Variants in ETNK1 observed in about 807,000 individuals in gnomAD.
ETNK1 encodes putative protein product of Nbla10396.
ETNK1 carries 8 observed loss-of-function variants against 45.1 expected under a neutral mutation model. The observed-to-expected ratio is 0.18, with a 90% CI of 0.10 to 0.32. The LOEUF (loss-of-function observed/expected upper bound fraction) is 0.32, where lower values mean the gene tolerates loss of function less well. Ranked by LOEUF, ETNK1 falls within the 10% of genes least tolerant of loss-of-function variation. The probability of loss-of-function intolerance (pLI) is 1.00; values close to 1 mark genes in which losing one functional copy is unlikely to be tolerated. For synonymous variants in ETNK1, 152 were observed against 151.9 expected (o/e 1.00, Z -0.01); for missense variants, 302 against 430.6 (o/e 0.70, Z 2.64).
At chr12:22,669,916 CA>C (rs1171259220) in intron 4 of ETNK1, among the ~76,000 whole-genome samples, 2 of 152,024 alleles carry the variant, frequency 1.3e-5, no homozygotes, top group Non-Finnish European at 2.9e-5. Flanking sequence ...ATACACATTA[CA>C]TTTTTATAAC....
Position 22,686,644 on chromosome 12 carries a change from C to G in ETNK1, c.*1690C>G, listed in dbSNP as rs754014240. On this transcript the variant is annotated 3_prime_UTR_variant, in exon 8 of 8. Transcript: ENST00000266517. ...TAGACCAGATTTGGTTTCTACCTCC[C>G]CAATGTTATAAATGTTCACTTTTGT... 1 of 152,008 alleles carries G rather than the reference C, an allele frequency of 6.6e-6. No individual in the cohort carries two copies. Among genetic ancestry groups the G allele is most frequent in the Non-Finnish European group, 1.5e-5 (1 of 67,716 alleles). The allele number at this position is 152,008 out of a possible 1,614,324, so 9.4% of individuals were successfully genotyped here.
chr12:22,684,782 A>G, intron 7 of ETNK1, 100 bp from the exon 8 acceptor site: 2 of 975,868 alleles, frequency 2.0e-6, no homozygotes, highest in East Asian at 2.5e-5. Flanking sequence ...TGAAAATCTT[A>G]AACTTTAAGA....
intron 6 of ETNK1, 61 bp from the exon 7 acceptor site, chr12:22,684,422 A>G (rs927857741): frequency 2.6e-6 from 3 of 1,137,320 alleles, no homozygotes; most frequent in Middle Eastern, 2.4e-4. Context: ...TTAGCAATTC[A>G]TATGTGTTTT....
At chr12:22,631,285 C>T (rs573827474) in intron 1 of ETNK1, among the ~76,000 whole-genome samples, 1 of 152,030 alleles carries the variant, frequency 6.6e-6, no homozygotes, top group African/African-American at 2.4e-5. Flanking sequence ...AGCGATTCTC[C>T]TGCCTCAGCC....
Position 22,671,078 on chromosome 12 carries a change from A to G in ETNK1, c.701-194A>G. 5.8e-6 allele frequency: 3 copies of G among 515,250 alleles called. No individual in the cohort carries two copies. The East Asian group carries it at 1.1e-4, about 19-fold the overall frequency. 31.9% of individuals were successfully genotyped at this position (515,250 alleles called of 1,614,324 possible). On this transcript the variant is annotated intron_variant, in intron 4 of 7. Coordinates refer to ENST00000266517, the MANE Select transcript of ETNK1 (RefSeq NM_018638.5). ...GTTTATAAAGAAGCTGTTGACCAAG[A>G]GACATAATTTGAATTTTGTAAAGCT...
In ETNK1 at chr12:22,666,820, A is replaced by G. The variant is rs182092318; in HGVS notation, c.701-4452A>G. 2.6e-5 allele frequency among the ~76,000 whole-genome samples: 4 copies of G among 152,308 alleles called. No homozygotes were observed. In the East Asian group the frequency reaches 5.8e-4, roughly 22 times the overall value. ...GTTTTAAGAGTTCTATACAATATAA[A>G]TAGAAAATGGGTGAGTCCCCATAGT... On this transcript the variant is annotated intron_variant, in intron 4 of 7. Coordinates refer to ENST00000266517, the MANE Select transcript of ETNK1 (RefSeq NM_018638.5).
At chr12:22,627,751 T>G (rs1044794918) in intron 1 of ETNK1, among the ~76,000 whole-genome samples, 2 of 152,130 alleles carry the variant, frequency 1.3e-5, no homozygotes, top group Non-Finnish European at 2.9e-5. Flanking sequence ...TGTAGCCTGT[T>G]TTTTTCTCAG....
intron 2 of ETNK1, among the ~76,000 whole-genome samples, chr12:22,655,535 C>T (rs1245316279): frequency 1.3e-5 from 2 of 151,940 alleles, no homozygotes; most frequent in Admixed American, 1.3e-4. Context: ...CAGGGTTTTG[C>T]CATGTTGGCC....
At chr12:22,676,006 TA>T (rs1269422859) in intron 6 of ETNK1, among the ~76,000 whole-genome samples, 5 of 152,256 alleles carry the variant, frequency 3.3e-5, no homozygotes, top group Admixed American at 1.3e-4. Flanking sequence ...TTATTTCAAT[TA>T]AAAAAATTTT....
At chr12:22,675,635 GGCATAA>G (rs1954152945) in intron 6 of ETNK1, among the ~76,000 whole-genome samples, 1 of 152,112 alleles carries the variant, frequency 6.6e-6, no homozygotes, top group African/African-American at 2.4e-5. Context: ...TGGGACTACA[GGCATAA>G]GCCCTATACC....
At chr12:22,638,894 A>G (rs1953691477) in intron 1 of ETNK1, 1 of 152,182 alleles carries the variant, frequency 6.6e-6, no homozygotes, top group Admixed American at 6.5e-5. Context: ...TGTGTATTTC[A>G]GTATAAATTT....
chr12:22,639,134 G>T (rs1953696169), intron 1 of ETNK1, among the ~76,000 whole-genome samples: 3 of 152,052 alleles, frequency 2.0e-5, no homozygotes, highest in Admixed American at 1.3e-4. Flanking sequence ...ATTTATTGGT[G>T]GGGCGTTTGT....
At position 22,685,380 on chromosome 12, in the gene ETNK1, T is replaced by A. The variant is rs1027122605; in HGVS notation, c.*426T>A. On this transcript the variant is annotated 3_prime_UTR_variant, in exon 8 of 8. Transcript: ENST00000266517. ...TTAATTTCAGTAAACATTCTAGTTG[T>A]TCAGTGTAACCTTTTTATCTTGATG... The A allele has an allele frequency of 2.6e-5, 4 of 153,702 alleles. No individual in the cohort carries two copies. The highest frequency in any genetic ancestry group is 9.6e-5 in the African/African-American group (4 of 41,474). 9.5% of individuals were successfully genotyped at this position (153,702 alleles called of 1,614,324 possible).
chr12:22,661,017 GA>G (rs748475461), intron 3 of ETNK1, 45 bp from the exon 4 acceptor site: 36 of 1,549,962 alleles, frequency 2.3e-5, no homozygotes, highest in Non-Finnish European at 3.0e-5. Context: ...AATCAAACTT[GA>G]AAAAAATGTC....
intron 3 of ETNK1, among the ~76,000 whole-genome samples, chr12:22,660,199 A>G (rs1953985445): frequency 6.6e-6 from 1 of 152,130 alleles, no homozygotes; most frequent in Non-Finnish European, 1.5e-5. Context: ...TGTAAAAAGA[A>G]TCTGTATTAT....
chr12:22,671,212 T>C, intron 4 of ETNK1, 60 bp from the exon 5 acceptor site: 1 of 1,147,658 alleles, frequency 8.7e-7, no homozygotes, highest in Non-Finnish European at 1.3e-6. Context: ...ACAAATAGCA[T>C]AGGGATTTTC....
At chr12:22,678,161 A>G (rs964455016) in intron 6 of ETNK1, among the ~76,000 whole-genome samples, 2 of 152,158 alleles carry the variant, frequency 1.3e-5, no homozygotes, top group African/African-American at 4.8e-5. Flanking sequence ...TTTATTAAGT[A>G]TGTGCCTCTC....
At chr12:22,630,060 A>G (rs1953555111) in intron 1 of ETNK1, among the ~76,000 whole-genome samples, 1 of 152,236 alleles carries the variant, frequency 6.6e-6, no homozygotes, top group Non-Finnish European at 1.5e-5. Flanking sequence ...AACTTGGACT[A>G]CACAAACTGC....
At chr12:22,680,441 A>G (rs546229652) in intron 6 of ETNK1, among the ~76,000 whole-genome samples, 149 of 152,316 alleles carry the variant, frequency 9.8e-4, no homozygotes, top group African/African-American at 3.2e-3. Context: ...AAATGACAGC[A>G]TCTGCAAACT....
Sources: allele counts gnomAD v4.1 joint callset (sites outside exome capture counted in the v4.1 genomes callset), GRCh38; gene constraint gnomAD v4.1.1; transcripts MANE v1.5; gene names NCBI Gene and HGNC (gene_info 2026-07-23, HGNC 2026-07-21).